KCNIP1: variants seen among roughly 807,000 people sequenced by gnomAD.
KCNIP1 encodes the protein A-type potassium channel modulatory protein KCNIP1.
In KCNIP1, 18 loss-of-function variants were observed where a neutral mutation model predicts 33.0. The ratio of observed to expected loss-of-function variants is 0.55; its 90% CI spans 0.38 to 0.81. KCNIP1 has a LOEUF of 0.81. KCNIP1 is among the 30% of genes least tolerant of loss of function. The probability of loss-of-function intolerance (pLI) is 0.00; values close to 1 mark genes in which losing one functional copy is unlikely to be tolerated. For missense variants in KCNIP1, 238 were observed against 271.6 expected (o/e 0.88, Z 0.87); for synonymous variants, 93 against 98.3 (o/e 0.95, Z 0.32).
At chr5:170,679,784 G>A (rs953316646) in intron 1 of KCNIP1, among the ~76,000 whole-genome samples, 3 of 151,176 alleles carry the variant, frequency 2.0e-5, no homozygotes, top group African/African-American at 7.3e-5. Flanking sequence ...ACATGGATGT[G>A]CCACATTATT....
intron 1 of KCNIP1, among the ~76,000 whole-genome samples, chr5:170,565,246 C>T (rs945837882): frequency 6.6e-6 from 1 of 152,128 alleles, no homozygotes; most frequent in African/African-American, 2.4e-5. Flanking sequence ...ACAGCTAGTT[C>T]CAGTTATGCA....
At position 170,444,562 on chromosome 5, in the gene KCNIP1, CTT is replaced by C. The variant is rs144335093; in HGVS notation, c.88+90600_88+90601del. 5.4e-3 allele frequency among the ~76,000 whole-genome samples: 820 copies of C among 152,296 alleles called. 3 individuals are homozygous for C. The highest frequency in any genetic ancestry group is 0.019 in the African/African-American group (800 of 41,560). On this transcript the variant is annotated intron_variant, in intron 1 of 7. Coordinates refer to the KCNIP1 transcript ENST00000377360. The stretch of plus-strand genomic sequence containing the variant: ...GGCATAGGGATGAGGATGCGGATGT[CTT>C]TAGAGGGCCACTGTTTTGCCTACCA...
At chr5:170,516,673 G>GAGA (rs1332700488) in intron 1 of KCNIP1, among the ~76,000 whole-genome samples, 1 of 152,210 alleles carries the variant, frequency 6.6e-6, no homozygotes, top group Non-Finnish European at 1.5e-5. Context: ...AGCTGATGAA[G>GAGA]AGAAAAAGAT....
intron 1 of KCNIP1, chr5:170,382,924 G>C (rs1248791352): frequency 6.6e-6 from 1 of 150,624 alleles, no homozygotes; most frequent in Non-Finnish European, 1.5e-5. Flanking sequence ...ATAAATGAGA[G>C]GAGGAAAGAA....
At chr5:170,703,260 C>G (rs1372922194) in intron 1 of KCNIP1, among the ~76,000 whole-genome samples, 2 of 137,530 alleles carry the variant, frequency 1.5e-5, no homozygotes. Flanking sequence ...AATTGTTGAA[C>G]AGGGATTGCA....
At chr5:170,360,105 T>A (rs1763463557) in intron 1 of KCNIP1, among the ~76,000 whole-genome samples, 1 of 152,142 alleles carries the variant, frequency 6.6e-6, no homozygotes. Context: ...CAGGTCTTCA[T>A]CAGCCTTCTA....
intron 1 of KCNIP1, among the ~76,000 whole-genome samples, chr5:170,438,105 T>C (rs995156754): frequency 2.0e-5 from 3 of 152,172 alleles, no homozygotes; most frequent in African/African-American, 7.2e-5. Context: ...TCTGGAAGGC[T>C]CTCTGACCCC....
At chr5:170,568,624 G>A (rs963886226) in intron 1 of KCNIP1, among the ~76,000 whole-genome samples, 4 of 124,726 alleles carry the variant, frequency 3.2e-5, no homozygotes, top group Non-Finnish European at 4.8e-5. Flanking sequence ...CTAGCCTGGC[G>A]AACATGGTGA....
intron 5 of KCNIP1, among the ~76,000 whole-genome samples, chr5:170,730,829 T>A (rs546608574): frequency 1.4e-5 from 2 of 140,104 alleles, no homozygotes; most frequent in Non-Finnish European, 3.1e-5. Flanking sequence ...GCTGAAGGTA[T>A]AAAAGTGCTT....
At chr5:170,498,861 T>A (rs376251285) in intron 1 of KCNIP1, among the ~76,000 whole-genome samples, 1 of 152,186 alleles carries the variant, frequency 6.6e-6, no homozygotes, top group Non-Finnish European at 1.5e-5. Context: ...ATGAGGAGGC[T>A]AACGGCCAGG....
chr5:170,574,844 A>G (rs1018462853), intron 1 of KCNIP1, among the ~76,000 whole-genome samples: 3 of 152,192 alleles, frequency 2.0e-5, no homozygotes, highest in African/African-American at 7.2e-5. Context: ...GTGGGAGGAA[A>G]CTGGAGTCCC....
At chr5:170,555,003 C>T (rs1581318756) in intron 1 of KCNIP1, among the ~76,000 whole-genome samples, 1 of 152,202 alleles carries the variant, frequency 6.6e-6, no homozygotes, top group Non-Finnish European at 1.5e-5. Context: ...GAGGAATGGG[C>T]TCTATCTCCA....
chr5:170,625,132 G>A (rs1759771928), intron 1 of KCNIP1, among the ~76,000 whole-genome samples: 1 of 152,106 alleles, frequency 6.6e-6, no homozygotes, highest in African/African-American at 2.4e-5. Flanking sequence ...GCAGCCCTCT[G>A]GGTACTGAGG....
intron 1 of KCNIP1, among the ~76,000 whole-genome samples, chr5:170,386,014 T>C (rs900004293): frequency 1.3e-5 from 2 of 150,510 alleles, no homozygotes; most frequent in South Asian, 2.1e-4. Context: ...TAGTCCCAGC[T>C]ACAGGGGAGG....
Position 170,372,893 on chromosome 5 carries a change from T to C in KCNIP1, c.88+18929T>C, listed in dbSNP as rs139388479. ...GCCCCTGCTTTTGTTTTATGTGTAC[T>C]GGGGATAGGGGAGGTTGGTATGGAA... is the stretch of plus-strand genomic sequence containing the variant. On this transcript the variant is annotated intron_variant, in intron 1 of 7. Coordinates refer to the KCNIP1 transcript ENST00000377360. 3.3e-4 allele frequency among the ~76,000 whole-genome samples: 50 copies of C among 152,244 alleles called. No individual in the cohort carries two copies. The East Asian group carries it at 9.6e-3, about 29-fold the overall frequency.
At chr5:170,448,139 ATT>A (rs143019919) in intron 1 of KCNIP1, among the ~76,000 whole-genome samples, 1,792 of 152,168 alleles carry the variant, frequency 0.012, 15 homozygotes, top group South Asian at 0.034. Flanking sequence ...CTATTTCATC[ATT>A]GTTAGTAGTA....
At position 170,598,949 on chromosome 5, in the gene KCNIP1, G is replaced by A. The variant is rs997135520; in HGVS notation, c.61+94316G>A. ...TGTGTGTGTGTGTGTGTGTTTGGTG[G>A]GGTGGGAGGGGAGGCAGAAGAGGAA... On this transcript the variant is annotated intron_variant, in intron 1 of 7. Transcript: ENST00000328939. 4.7e-5 allele frequency among the ~76,000 whole-genome samples: 7 copies of A among 149,824 alleles called. 1 individual carries two copies. In the South Asian group the frequency reaches 1.5e-3, roughly 32 times the overall value.
At chr5:170,595,629 C>T (rs144794235) in intron 1 of KCNIP1, among the ~76,000 whole-genome samples, 1 of 152,332 alleles carries the variant, frequency 6.6e-6, no homozygotes, top group Non-Finnish European at 1.5e-5. Flanking sequence ...GAGAAAAAAA[C>T]AAGCACCTAT....
intron 1 of KCNIP1, among the ~76,000 whole-genome samples, chr5:170,391,802 T>C (rs779791678): frequency 6.6e-6 from 1 of 152,218 alleles, no homozygotes. Flanking sequence ...GAGATAATTA[T>C]ACCTAGCCCC....
Sources: allele counts gnomAD v4.1 joint callset (sites outside exome capture counted in the v4.1 genomes callset), GRCh38; gene constraint gnomAD v4.1.1; transcripts MANE v1.5; gene names NCBI Gene and HGNC (gene_info 2026-07-23, HGNC 2026-07-21).